The following HS6ST3 variants were observed in gnomAD, a reference collection of about 807,000 sequenced individuals.
HS6ST3 encodes heparan sulfate 6-O-sulfotransferase 3.
A neutral mutation model predicts 36.7 loss-of-function variants in HS6ST3; 12 were observed. That is an observed-to-expected ratio of 0.33 (90% CI 0.21 to 0.53). The LOEUF (loss-of-function observed/expected upper bound fraction) is 0.53. HS6ST3 is among the 20% of genes least tolerant of loss of function. HS6ST3 has a pLI of 0.95. For synonymous variants in HS6ST3, 240 were observed against 257.5 expected (o/e 0.93, Z 0.65); for missense variants, 584 against 640.9 (o/e 0.91, Z 0.96).
At chr13:96,568,192 T>G (rs528037102) in intron 1 of HS6ST3, among the ~76,000 whole-genome samples, 1 of 152,358 alleles carries the variant, frequency 6.6e-6, no homozygotes, top group East Asian at 1.9e-4. Context: ...GTTAGAAGTA[T>G]GAAAGATAGT....
In HS6ST3 at chr13:96,769,776, G is replaced by GCA. The variant is rs1432837638; in HGVS notation, c.708-62711_708-62710dup. On this transcript the variant is annotated intron_variant, in intron 1 of 1. Transcript: ENST00000376705. ...TGTGTGTGTGTGTGTGTGTGTGTGCGCACATATGTATTCTAGTTTTGCTAT... is the reference window on the plus strand; with the variant it reads ...TGTGTGTGTGTGTGTGTGTGTGTGCGCACACATATGTATTCTAGTTTTGCTAT... Among the ~76,000 whole-genome samples the GCA allele has an allele frequency of 2.8e-5, 4 of 142,518 alleles. No individual in the cohort carries two copies. In the East Asian group the frequency reaches 6.2e-4, roughly 22 times the overall value. The allele number at this position is 142,518 out of a possible 152,430, so 93.5% of individuals were successfully genotyped here.
chr13:96,195,825 C>T (rs1408474729), intron 1 of HS6ST3, among the ~76,000 whole-genome samples: 4 of 152,032 alleles, frequency 2.6e-5, no homozygotes, highest in South Asian at 2.1e-4. Flanking sequence ...TTTGCCAAAC[C>T]GGGATATTCT....
chr13:96,573,143 G>A (rs914158005), intron 1 of HS6ST3, among the ~76,000 whole-genome samples: 7 of 152,216 alleles, frequency 4.6e-5, no homozygotes, highest in African/African-American at 7.2e-5. Flanking sequence ...TCACCTCTCC[G>A]GACCTACTTG....
At chr13:96,686,633 C>T (rs979210093) in intron 1 of HS6ST3, among the ~76,000 whole-genome samples, 1 of 151,906 alleles carries the variant, frequency 6.6e-6, no homozygotes, top group Non-Finnish European at 1.5e-5. Flanking sequence ...GCCTATGTGT[C>T]CTGCAACTAA....
intron 1 of HS6ST3, among the ~76,000 whole-genome samples, chr13:96,170,016 G>A (rs1158189930): frequency 6.6e-6 from 1 of 152,138 alleles, no homozygotes. Context: ...TTGAAGGATG[G>A]GAAGAAGAAT....
At chr13:96,230,086 C>G (rs2054500547) in intron 1 of HS6ST3, among the ~76,000 whole-genome samples, 1 of 152,146 alleles carries the variant, frequency 6.6e-6, no homozygotes, top group Non-Finnish European at 1.5e-5. Context: ...AAAAGAGCAT[C>G]AGAGCTTAGG....
chr13:96,614,613 C>T (rs546364480), intron 1 of HS6ST3, among the ~76,000 whole-genome samples: 1 of 152,262 alleles, frequency 6.6e-6, no homozygotes, highest in African/African-American at 2.4e-5. Context: ...TATCTATTAA[C>T]TTGTGAAAGT....
chr13:96,142,691 T>A (rs1303572721), intron 1 of HS6ST3, among the ~76,000 whole-genome samples: 1 of 152,174 alleles, frequency 6.6e-6, no homozygotes, highest in African/African-American at 2.4e-5. Context: ...AGTATTATTA[T>A]AGAAGTTTAG....
At chr13:96,490,423 A>G (rs1594792198) in intron 1 of HS6ST3, among the ~76,000 whole-genome samples, 2 of 152,204 alleles carry the variant, frequency 1.3e-5, no homozygotes. Flanking sequence ...TTTAAGGTTC[A>G]TAAATAAAAA....
intron 1 of HS6ST3, among the ~76,000 whole-genome samples, chr13:96,120,594 A>T (rs1035343931): frequency 5.9e-5 from 9 of 152,114 alleles, no homozygotes; most frequent in African/African-American, 2.2e-4. Context: ...TATTTCCTTT[A>T]TTATATTTTC....
chr13:96,369,871 G>C (rs2055281363), intron 1 of HS6ST3, among the ~76,000 whole-genome samples: 1 of 151,706 alleles, frequency 6.6e-6, no homozygotes, highest in Non-Finnish European at 1.5e-5. Context: ...TTTTTTTAAG[G>C]CTATGTTCTT....
At chr13:96,297,912 G>A (rs906635061) in intron 1 of HS6ST3, among the ~76,000 whole-genome samples, 4 of 151,980 alleles carry the variant, frequency 2.6e-5, no homozygotes, top group African/African-American at 4.8e-5. Flanking sequence ...TATAGTACAT[G>A]CACCAAAAAA....
intron 1 of HS6ST3, among the ~76,000 whole-genome samples, chr13:96,147,946 G>A (rs572541958): frequency 6.6e-6 from 1 of 152,246 alleles, no homozygotes; most frequent in Admixed American, 6.5e-5. Context: ...CGTAGGAGGT[G>A]CTCTGGACAA....
chr13:96,649,965 C>T (rs886565981), intron 1 of HS6ST3, among the ~76,000 whole-genome samples: 1 of 151,924 alleles, frequency 6.6e-6, no homozygotes, highest in African/African-American at 2.4e-5. Flanking sequence ...TGCTGAACTT[C>T]ACAAGCTCCT....
At chr13:96,635,424 C>T (rs922641433) in intron 1 of HS6ST3, among the ~76,000 whole-genome samples, 2 of 152,078 alleles carry the variant, frequency 1.3e-5, no homozygotes, top group Non-Finnish European at 2.9e-5. Flanking sequence ...TATGCTGCTC[C>T]TCCTGCCTGG....
At chr13:96,367,638 A>G (rs1290276136) in intron 1 of HS6ST3, among the ~76,000 whole-genome samples, 1 of 152,228 alleles carries the variant, frequency 6.6e-6, no homozygotes, top group South Asian at 2.1e-4. Context: ...AGGGATGTAA[A>G]TGAGTTAACC....
At chr13:96,264,871 T>G (rs1257632694) in intron 1 of HS6ST3, among the ~76,000 whole-genome samples, 1 of 152,198 alleles carries the variant, frequency 6.6e-6, no homozygotes, top group African/African-American at 2.4e-5. Flanking sequence ...GAAAATAACT[T>G]TTTAAAAGTT....
chr13:96,476,458 G>A (rs976637240), intron 1 of HS6ST3, among the ~76,000 whole-genome samples: 1 of 152,126 alleles, frequency 6.6e-6, no homozygotes, highest in Non-Finnish European at 1.5e-5. Flanking sequence ...CGCCTCCCAG[G>A]TTCAAGAGAT....
chr13:96,661,719 A>T lies in HS6ST3; in HGVS notation c.708-170771A>T, dbSNP rs2056647056. On this transcript the variant is annotated intron_variant, in intron 1 of 1. Transcript: ENST00000376705. ...GAGATTTTTACTTTCACGTGTTTTT[A>T]TGATGGTGAGTTTTGCCCATTCTTT... 2.6e-5 allele frequency among the ~76,000 whole-genome samples: 4 copies of T among 152,066 alleles called. No homozygotes were observed. In the South Asian group the frequency reaches 8.3e-4, roughly 31 times the overall value.
Sources: gnomAD v4.1 joint callset for allele counts (sites outside exome capture counted in the v4.1 genomes callset) on GRCh38, gnomAD v4.1.1 for gene constraint, MANE v1.5 for transcripts, NCBI Gene and HGNC (gene_info 2026-07-23, HGNC 2026-07-21) for gene names.